Variants in NUBP1 observed in about 807,000 individuals in gnomAD.
The protein encoded by NUBP1 is cytosolic Fe-S cluster assembly factor NUBP1.
A neutral mutation model predicts 41.8 loss-of-function variants in NUBP1; 46 were observed. The observed-to-expected ratio is 1.10, with a 90% CI of 0.87 to 1.41. NUBP1 has a LOEUF of 1.41. NUBP1 is among the 40% of genes most tolerant of loss of function. The pLI is 0.00. For synonymous variants in NUBP1, 189 were observed against 154.6 expected (o/e 1.22, Z -1.65); for missense variants, 494 against 414.0 (o/e 1.19, Z -1.68).
At chr16:10,761,579 G>A in intron 8 of NUBP1, 105 bp downstream of exon 8, 1 of 1,106,588 alleles carries the variant, frequency 9.0e-7, no homozygotes. Context: ...CTGTCATTTT[G>A]GGAAGTGGAA....
chr16:10,759,199 G>T lies in NUBP1; in HGVS notation c.606+1172G>T, dbSNP rs1180132873. 1.3e-5 allele frequency among the ~76,000 whole-genome samples: 2 copies of T among 152,206 alleles called. No individual in the cohort carries two copies. The highest frequency in any genetic ancestry group is 2.9e-5 in the Non-Finnish European group (2 of 68,034). ...CAGTAAAAAGGCCTGGCTCTCCCTG[G>T]TGGCCCCTGTGGCTCCCTGAGGAAC... On this transcript the variant is annotated intron_variant, in intron 7 of 10. Coordinates refer to ENST00000283027, the MANE Select transcript of NUBP1 (RefSeq NM_002484.4). The surrounding 1 kb of genome is among the most constrained non-coding windows in gnomAD (Gnocchi z 4.7).
chr16:10,761,981 G>T, intron 9 of NUBP1, 122 bp downstream of exon 9: 2 of 731,124 alleles, frequency 2.7e-6, no homozygotes, highest in Non-Finnish European at 4.5e-6. Flanking sequence ...ATGGGGCGCT[G>T]GAGCCAGACC....
At position 10,744,049 on chromosome 16, in the gene NUBP1, G is replaced by T. The variant is rs768847415; in HGVS notation, c.108G>T (p.Gly36=). The T allele has an allele frequency of 5.7e-6, 9 of 1,582,524 alleles. No homozygotes were observed. In the Middle Eastern group the frequency reaches 5.2e-4, roughly 91 times the overall value. The change falls in exon 2 of 11, where the codon GGG becomes GGT. Residue 36 remains glycine, a synonymous_variant. Coordinates refer to ENST00000283027, the MANE Select transcript of NUBP1 (RefSeq NM_002484.4). ...PNQRLCASGA[G]ATPDTAIEEI... ...AGCGGCTGTGCGCTTCTGGAGCGGG[G>T]GCCACTCCGGACACGGGTGAGAAAA... is the stretch of plus-strand genomic sequence containing the variant.
At chr16:10,763,993 C>G (rs2030434329) in intron 9 of NUBP1, among the ~76,000 whole-genome samples, 1 of 151,834 alleles carries the variant, frequency 6.6e-6, no homozygotes, top group Admixed American at 6.6e-5. Flanking sequence ...AGCATCCCAA[C>G]TCAAAGGAGC....
Position 10,743,897 on chromosome 16 carries a change from G to T in NUBP1, c.19+15G>T. 1 of 1,572,190 alleles carries T rather than the reference G, an allele frequency of 6.4e-7. No individual in the cohort carries two copies. Among genetic ancestry groups the T allele is most frequent in the Non-Finnish European group, 8.6e-7 (1 of 1,160,748 alleles). ...GGTGCCTCACGGTAAGCTCGCGGAGGGGGCGTGGGTCGCGGGGCGAAAGTG... is the reference window on the plus strand; with the variant it reads ...GGTGCCTCACGGTAAGCTCGCGGAGTGGGCGTGGGTCGCGGGGCGAAAGTG... On this transcript the variant is annotated intron_variant, in intron 1 of 10. Transcript: ENST00000283027.
chr16:10,747,426 G>C (rs555156889), intron 3 of NUBP1, 150 bp downstream of exon 3: 3 of 990,890 alleles, frequency 3.0e-6, no homozygotes, highest in African/African-American at 1.6e-5. Context: ...TTGAGGCCAG[G>C]AGTTTGAGAT....
chr16:10,769,232 C>G lies in NUBP1; in HGVS notation c.*127C>G, dbSNP rs966896387. The G allele has an allele frequency of 1.4e-6, 1 of 721,626 alleles. No individual in the cohort carries two copies. Among genetic ancestry groups the G allele is most frequent in the Non-Finnish European group, 2.4e-6 (1 of 419,412 alleles). The allele number at this position is 721,626 out of a possible 1,614,324, so 44.7% of individuals were successfully genotyped here. A position where few individuals can be genotyped will look rare whatever the true frequency, so the allele number is the denominator to read the frequency against. ...AAAAGGACCAGATGCTGGTGTGGTC[C>G]GAAGCCACTTTCTCAGAGACACTTT... On this transcript the variant is annotated 3_prime_UTR_variant, in exon 11 of 11. Coordinates refer to ENST00000283027, the MANE Select transcript of NUBP1 (RefSeq NM_002484.4).
chr16:10,762,806 G>A (rs2030177926), intron 9 of NUBP1, among the ~76,000 whole-genome samples: 1 of 148,916 alleles, frequency 6.7e-6, no homozygotes, highest in Non-Finnish European at 1.5e-5. Context: ...GAGGGTGGGG[G>A]CCGCGTGCTT....
rs373619978 is a variant in NUBP1 at position 10,747,240 on chromosome 16, C to T, written c.222C>T (p.His74=). ...TTGGGAAAAGCACATTCAGCGCCCA[C>T]CTTGCCCATGGCCTAGCAGAGGATG... ...GGVGKSTFSA[H]LAHGLAEDEN... is the part of the protein sequence containing the mutation. The change falls in exon 3 of 11, where the codon CAC becomes CAT. Residue 74 remains histidine, a synonymous_variant. Transcript: ENST00000283027. 6.2e-7 allele frequency: 1 copy of T among 1,614,088 alleles called. No homozygotes were observed. Among genetic ancestry groups the T allele is most frequent in the African/African-American group, 1.3e-5 (1 of 74,942 alleles).
rs2029998271 is a variant in NUBP1 at position 10,762,045 on chromosome 16, CG to C, written c.820+189del. On this transcript the variant is annotated intron_variant, in intron 9 of 10. Coordinates refer to ENST00000283027, the MANE Select transcript of NUBP1 (RefSeq NM_002484.4). Reference sequence around the variant, plus strand: ...ACCGGGAGAGAGGCCGAGACCCCTGCGGGCAGGTAGCGGGAGCAAGCAGGCC... The same window carrying C: ...ACCGGGAGAGAGGCCGAGACCCCTGCGGCAGGTAGCGGGAGCAAGCAGGCC... 5.6e-6 allele frequency: 3 copies of C among 536,626 alleles called. No individual in the cohort carries two copies. In the East Asian group the frequency reaches 9.0e-5, roughly 16 times the overall value. The allele number at this position is 536,626 out of a possible 1,614,324, so 33.2% of individuals were successfully genotyped here.
intron 7 of NUBP1, among the ~76,000 whole-genome samples, chr16:10,758,809 C>T (rs530024809): frequency 3.3e-5 from 5 of 152,274 alleles, no homozygotes; most frequent in East Asian, 3.9e-4. Context: ...TGGGTGCCTT[C>T]GCTTCTTCCG....
At position 10,768,730 on chromosome 16, in the gene NUBP1, A is replaced by T; in HGVS notation, c.905-317A>T. 3.4e-6 allele frequency: 1 copy of T among 290,098 alleles called. No homozygotes were observed. Among genetic ancestry groups the T allele is most frequent in the Admixed American group, 5.0e-5 (1 of 20,030 alleles). 18.0% of individuals were successfully genotyped at this position (290,098 alleles called of 1,614,324 possible). A position where few individuals can be genotyped will look rare whatever the true frequency, so the allele number is the denominator to read the frequency against. On this transcript the variant is annotated intron_variant, in intron 10 of 10. Transcript: ENST00000283027. The surrounding 1 kb of genome is among the most constrained non-coding windows in gnomAD (Gnocchi z 4.3). Reference sequence around the variant, plus strand: ...AGGGCAGAGGTGTCAGTGTTTGTTAAAGCTGTGGTCTCTGAGTTTGTGGCT... The same window carrying T: ...AGGGCAGAGGTGTCAGTGTTTGTTATAGCTGTGGTCTCTGAGTTTGTGGCT...
rs1294526922 is a variant in NUBP1, at chr16:10,761,252, TCTAAGG to T, written c.607-109_607-104del. On this transcript the variant is annotated intron_variant, in intron 7 of 10. Transcript: ENST00000283027. ...GCCAAACCCTATCAGGGCAGAAACCTCTAAGGCTTTATGATCGCAGATCCACTGCAT... is the reference window on the plus strand; with the variant it reads ...GCCAAACCCTATCAGGGCAGAAACCTCTTTATGATCGCAGATCCACTGCAT... 5 of 967,484 alleles carry T rather than the reference TCTAAGG, an allele frequency of 5.2e-6. No individual in the cohort carries two copies. The Admixed American group carries it at 6.6e-5, about 13-fold the overall frequency. The allele number at this position is 967,484 out of a possible 1,614,324, so 59.9% of individuals were successfully genotyped here.
Position 10,744,054 on chromosome 16 carries a change from C to G in NUBP1, c.113C>G (p.Thr38Ser). 1 of 1,580,736 alleles carries G rather than the reference C, an allele frequency of 6.3e-7. No homozygotes were observed. Among genetic ancestry groups the G allele is most frequent in the Non-Finnish European group, 8.6e-7 (1 of 1,168,736 alleles). ...QRLCASGAGA[T>S]PDTAIEEIKE... is the part of the protein sequence containing the mutation. Reference sequence around the variant, plus strand: ...CTGTGCGCTTCTGGAGCGGGGGCCACTCCGGACACGGGTGAGAAAAGGGCA... The same window carrying G: ...CTGTGCGCTTCTGGAGCGGGGGCCAGTCCGGACACGGGTGAGAAAAGGGCA... Residue 38 changes from threonine to serine, a missense_variant, in exon 2 of 11, where the codon ACT becomes AGT. Physicochemically the swap from Thr to Ser is moderately conservative, Grantham distance 58. Coordinates refer to ENST00000283027, the MANE Select transcript of NUBP1 (RefSeq NM_002484.4).
In NUBP1 at chr16:10,766,859, A is replaced by G. The variant is rs909973411; in HGVS notation, c.821-1090A>G. The stretch of plus-strand genomic sequence containing the variant: ...GTAAAGTTACAAAGTCATTTACGGC[A>G]TACGTCCTATGGAGAGGACATTTCC... On this transcript the variant is annotated intron_variant, in intron 9 of 10. Coordinates refer to ENST00000283027, the MANE Select transcript of NUBP1 (RefSeq NM_002484.4). This position sits in a 1 kb window ranked among gnomAD's most constrained non-coding sequence, Gnocchi z 4.8. The G allele has an allele frequency of 4.0e-5, 16 of 398,294 alleles. No individual in the cohort carries two copies. Among genetic ancestry groups the G allele is most frequent in the African/African-American group, 3.3e-4 (16 of 48,626 alleles). The allele number at this position is 398,294 out of a possible 1,614,324, so 24.7% of individuals were successfully genotyped here.
At chr16:10,760,497 A>G (rs1025466709) in intron 7 of NUBP1, among the ~76,000 whole-genome samples, 5 of 152,190 alleles carry the variant, frequency 3.3e-5, no homozygotes, top group Non-Finnish European at 5.9e-5. Flanking sequence ...TCTAACCCTA[A>G]CACTCTGGGA....
Position 10,767,515 on chromosome 16 carries a change from C to T in NUBP1, c.821-434C>T, listed in dbSNP as rs1324245214. On this transcript the variant is annotated intron_variant, in intron 9 of 10. Coordinates refer to ENST00000283027, the MANE Select transcript of NUBP1 (RefSeq NM_002484.4). The surrounding 1 kb of genome is among the most constrained non-coding windows in gnomAD (Gnocchi z 4.6). ...ACATGCAAGTGTGCACATTTATATG[C>T]GCATAATCTTTCTGGAAAGACACCT... 12 of 437,356 alleles carry T rather than the reference C, an allele frequency of 2.7e-5. No individual in the cohort carries two copies. The highest frequency in any genetic ancestry group is 1.0e-4 in the East Asian group (3 of 30,010). 27.1% of individuals were successfully genotyped at this position (437,356 alleles called of 1,614,324 possible). A position where few individuals can be genotyped will look rare whatever the true frequency, so the allele number is the denominator to read the frequency against.
intron 2 of NUBP1, among the ~76,000 whole-genome samples, chr16:10,746,648 G>A (rs1291127213): frequency 1.3e-5 from 2 of 152,172 alleles, no homozygotes; most frequent in African/African-American, 4.8e-5. Context: ...GGCTAAGGCA[G>A]GAGAATCGCT....
chr16:10,755,869 G>A (rs2233537), intron 5 of NUBP1, 116 bp downstream of exon 5: 87,181 of 952,086 alleles, frequency 0.092, 4,908 homozygotes, highest in South Asian at 0.17. Flanking sequence ...AGGCACAGAG[G>A]ATGTGATTAA....
Sources: gnomAD v4.1 joint callset for allele counts (sites outside exome capture counted in the v4.1 genomes callset) on GRCh38, gnomAD v4.1.1 for gene constraint, Gnocchi (gnomAD v3.1) non-coding constraint, MANE v1.5 for transcripts, NCBI Gene and HGNC (gene_info 2026-07-23, HGNC 2026-07-21) for gene names.